The following CEP78 variants were observed in gnomAD, a reference collection of about 807,000 sequenced individuals.
The protein encoded by CEP78 is centrosomal protein 78, also known as centrosomal protein of 78 kDa.
A neutral mutation model predicts 81.2 loss-of-function variants in CEP78; 76 were observed. That is an observed-to-expected ratio of 0.94 (90% confidence interval 0.78 to 1.13). The LOEUF (loss-of-function observed/expected upper bound fraction) is 1.13. Among genes scored for constraint, CEP78 ranks in the 50% most tolerant of loss-of-function variants. The probability of loss-of-function intolerance (pLI) is 0.00; values close to 1 mark genes in which losing one functional copy is unlikely to be tolerated. For synonymous variants in CEP78, 293 were observed against 301.4 expected, an observed-to-expected ratio of 0.97 and a Z score of 0.29; for missense variants, 918 against 846.8, an observed-to-expected ratio of 1.08 and a Z score of -1.04.
At chr9:78,236,998 T>TTTTTTTTA (rs1825981543) in intron 1 of CEP78, among the ~76,000 whole-genome samples, 2 of 130,460 alleles carry the variant, frequency 1.5e-5, no homozygotes, top group South Asian at 2.4e-4. Flanking sequence ...TTTTTTTTTT[T>TTTTTTTTA]GAGACACTGT....
chr9:78,269,794 A>C (rs1321115862), intron 16 of CEP78, among the ~76,000 whole-genome samples: 1 of 152,244 alleles, frequency 6.6e-6, no homozygotes, highest in Non-Finnish European at 1.5e-5. Context: ...AAATGGAGTT[A>C]GCTGAAGAGG....
chr9:78,251,866 T>TA, intron 8 of CEP78, 42 bp from the exon 9 acceptor site: 1 of 1,573,346 alleles, frequency 6.4e-7, no homozygotes, highest in African/African-American at 1.3e-5. Context: ...CTGTAGACCT[T>TA]TAGTGCATCT....
At chr9:78,268,239 A>AAG (rs1218405646) in intron 16 of CEP78, among the ~76,000 whole-genome samples, 2 of 152,056 alleles carry the variant, frequency 1.3e-5, no homozygotes, top group African/African-American at 2.4e-5. Context: ...GGTGAAGGGG[A>AAG]AGGATACTCA....
Position 78,254,970 on chromosome 9 carries a change from A to G in CEP78, c.1380+6A>G. 1 of 1,604,508 alleles carries G rather than the reference A, an allele frequency of 6.2e-7. No homozygotes were observed. The highest frequency in any genetic ancestry group is 8.5e-7 in the Non-Finnish European group (1 of 1,174,740). On this transcript the variant is annotated splice_donor_region_variant and intron_variant, in intron 11 of 16. Coordinates refer to ENST00000643273, the MANE Select transcript of CEP78 (RefSeq NM_001330691.3). ...TAGAACAAGAAGCATTACAGGTACAAAGCTATCACTTTAAAGATATGGAGA... is the reference window on the plus strand; with the variant it reads ...TAGAACAAGAAGCATTACAGGTACAGAGCTATCACTTTAAAGATATGGAGA...
At chr9:78,251,825 C>CT in intron 8 of CEP78, 83 bp from the exon 9 acceptor site, 1 of 1,265,662 alleles carries the variant, frequency 7.9e-7, no homozygotes, top group Admixed American at 2.2e-5. Flanking sequence ...CATTTGTATT[C>CT]TTTTAAGAGT....
rs575696187 is a variant in CEP78 at position 78,236,690 on chromosome 9, G to C, written c.253+87G>C. On this transcript the variant is annotated intron_variant, in intron 1 of 16. Coordinates refer to ENST00000643273, the MANE Select transcript of CEP78 (RefSeq NM_001330691.3). Reference sequence around the variant, plus strand: ...TGGTGTCCATTGTCGGGGTATGTGTGCAATAGAAGGGGTGTGCGGCCTGGA... The same window carrying C: ...TGGTGTCCATTGTCGGGGTATGTGTCCAATAGAAGGGGTGTGCGGCCTGGA... 105 of 1,464,752 alleles carry C rather than the reference G, an allele frequency of 7.2e-5. No individual in the cohort carries two copies. In the African/African-American group the frequency reaches 1.2e-3, roughly 17 times the overall value. The allele number at this position is 1,464,752 out of a possible 1,614,324, so 90.7% of individuals were successfully genotyped here. A position where few individuals can be genotyped will look rare whatever the true frequency, so the allele number is the denominator to read the frequency against.
chr9:78,256,582 G>GA (rs1006234933), intron 11 of CEP78, among the ~76,000 whole-genome samples: 1 of 136,164 alleles, frequency 7.3e-6, no homozygotes, highest in African/African-American at 2.8e-5. Context: ...GCCCAGGCTG[G>GA]AATGCAGTGG....
chr9:78,257,211 A>G (rs1407920756), intron 11 of CEP78, among the ~76,000 whole-genome samples: 3 of 152,214 alleles, frequency 2.0e-5, no homozygotes, highest in African/African-American at 7.2e-5. Context: ...TCCCAAGAGA[A>G]AAATACCGGT....
intron 8 of CEP78, chr9:78,249,989 T>G (rs1826677422): frequency 6.5e-6 from 2 of 307,466 alleles, no homozygotes; most frequent in Non-Finnish European, 1.2e-5. Context: ...GGATATCACT[T>G]GACTTAATAT....
rs543795892 is a variant in CEP78 at position 78,274,716 on chromosome 9, T to C, written c.*3865T>C. The C allele has an allele frequency of 6.6e-6, 1 of 152,246 alleles. No homozygotes were observed. The highest frequency in any genetic ancestry group is 6.5e-5 in the Admixed American group (1 of 15,296). The allele number at this position is 152,246 out of a possible 1,614,324, so 9.4% of individuals were successfully genotyped here. On this transcript the variant is annotated 3_prime_UTR_variant, in exon 17 of 17. Coordinates refer to ENST00000643273, the MANE Select transcript of CEP78 (RefSeq NM_001330691.3). Reference sequence around the variant, plus strand: ...AATGTAATAATAGTAACAAAAGGCCTGTCCACTTGGAAATTTTTAAATGAT... The same window carrying C: ...AATGTAATAATAGTAACAAAAGGCCCGTCCACTTGGAAATTTTTAAATGAT...
rs1161629976 is a variant in CEP78, at chr9:78,243,332, G to C, written c.604-130G>C. ...AATCTACTATTTAATCAGTCTGTCA[G>C]ATTAACCCACCTGGCATATGTACCT... is the stretch of plus-strand genomic sequence containing the variant. On this transcript the variant is annotated intron_variant, in intron 4 of 16. Transcript: ENST00000643273. The C allele has an allele frequency of 4.4e-5, 30 of 676,370 alleles. No homozygotes were observed. In the East Asian group the frequency reaches 8.7e-4, roughly 20 times the overall value. The allele number at this position is 676,370 out of a possible 1,614,324, so 41.9% of individuals were successfully genotyped here.
chr9:78,236,453 C>T lies in CEP78; in HGVS notation c.103C>T (p.Arg35Cys), dbSNP rs200483715. The T allele has an allele frequency of 2.1e-4, 334 of 1,604,702 alleles. No homozygotes were observed. The African/African-American group carries it at 3.5e-3, about 17-fold the overall frequency. Residue 35 changes from arginine (R) to cysteine (C), a missense_variant, in exon 1 of 17, where the codon CGC (arginine) becomes TGC (cysteine). Transcript: ENST00000643273. Reference protein sequence around the residue: ...LQNSVPLPAVRACLREGVLDF... With the variant: ...LQNSVPLPAVCACLREGVLDF... ...GAACTCGGTGCCGCTGCCCGCCGTG[C>T]GCGCCTGTCTCCGGGAGGGCGTGCT... is the stretch of plus-strand genomic sequence containing the variant.
At position 78,253,258 on chromosome 9, in the gene CEP78, A is replaced by G; in HGVS notation, c.1232A>G (p.Asp411Gly). ...GGTTTCCCATTAATCAAAACACGTG[A>G]TATATGTAATCAGTTGCAGGTACGT... ...HRGFPLIKTR[D>G]ICNQLQQPGF... Residue 411 changes from aspartate (D) to glycine (G), a missense_variant, in exon 10 of 17, where the codon GAT becomes GGT. Coordinates refer to ENST00000643273, the MANE Select transcript of CEP78 (RefSeq NM_001330691.3). 7.2e-7 allele frequency: 1 copy of G among 1,383,740 alleles called. No individual in the cohort carries two copies. Among genetic ancestry groups the G allele is most frequent in the Non-Finnish European group, 1.0e-6 (1 of 982,938 alleles). 85.7% of individuals were successfully genotyped at this position (1,383,740 alleles called of 1,614,324 possible). A position where few individuals can be genotyped will look rare whatever the true frequency, so the allele number is the denominator to read the frequency against.
chr9:78,264,377 G>A, intron 13 of CEP78, 61 bp downstream of exon 13: 1 of 1,412,430 alleles, frequency 7.1e-7, no homozygotes, highest in Non-Finnish European at 9.8e-7. Flanking sequence ...TTTTGCTGAG[G>A]AACTTGAGCA....
intron 4 of CEP78, among the ~76,000 whole-genome samples, chr9:78,242,465 G>A (rs1485393089): frequency 1.3e-5 from 2 of 152,172 alleles, no homozygotes; most frequent in Non-Finnish European, 2.9e-5. Flanking sequence ...GTGACCATGG[G>A]CAAATTAGTT....
intron 11 of CEP78, 88 bp downstream of exon 11, chr9:78,255,052 C>A: frequency 1.8e-6 from 2 of 1,081,894 alleles, no homozygotes; most frequent in Non-Finnish European, 2.6e-6. Context: ...AACTGGACAG[C>A]TTGCATGGGA....
chr9:78,270,482 A>C (rs1331214351), intron 16 of CEP78, among the ~76,000 whole-genome samples: 1 of 152,178 alleles, frequency 6.6e-6, no homozygotes, highest in African/African-American at 2.4e-5. Context: ...AGAAATTACT[A>C]TGCACCTTTA....
Position 78,275,813 on chromosome 9 carries a change from G to A in CEP78, c.*4962G>A, listed in dbSNP as rs1173749552. 6.6e-6 allele frequency: 1 copy of A among 152,478 alleles called. No individual in the cohort carries two copies. Among genetic ancestry groups the A allele is most frequent in the Non-Finnish European group, 1.5e-5 (1 of 68,392 alleles). 9.4% of individuals were successfully genotyped at this position (152,478 alleles called of 1,614,324 possible). A position where few individuals can be genotyped will look rare whatever the true frequency, so the allele number is the denominator to read the frequency against. On this transcript the variant is annotated 3_prime_UTR_variant, in exon 17 of 17. Coordinates refer to ENST00000643273, the MANE Select transcript of CEP78 (RefSeq NM_001330691.3). ...AACCCAAAACTTAGCCAGGCATGGT[G>A]GTGCGTGCATGTAGTCCCAGCCACT...
chr9:78,244,712 A>T (rs536173698), intron 5 of CEP78, among the ~76,000 whole-genome samples: 1 of 152,222 alleles, frequency 6.6e-6, no homozygotes, highest in Non-Finnish European at 1.5e-5. Flanking sequence ...TTACCATGTC[A>T]TTTTTAGTGA....
Sources: allele counts gnomAD v4.1 joint callset (sites outside exome capture counted in the v4.1 genomes callset), GRCh38; gene constraint gnomAD v4.1.1; transcripts MANE v1.5; gene names NCBI Gene and HGNC (gene_info 2026-07-23, HGNC 2026-07-21).